NBAS: variants seen among roughly 807,000 people sequenced by gnomAD.
NBAS encodes the protein NAG/BC035112 fusion.
NBAS carries 219 observed loss-of-function variants against 302.5 expected under a neutral mutation model. The ratio of observed to expected loss-of-function variants is 0.72; its 90% CI spans 0.65 to 0.81. NBAS has a LOEUF of 0.81. NBAS is among the 30% of genes least tolerant of loss of function. The probability of loss-of-function intolerance (pLI) is 0.00; values close to 1 mark genes in which losing one functional copy is unlikely to be tolerated. For missense variants in NBAS, 2,932 were observed against 2,841.6 expected, an observed-to-expected ratio of 1.03 and a Z score of -0.72; for synonymous variants, 1,118 against 1,021.6, an observed-to-expected ratio of 1.09 and a Z score of -1.80.
the NBAS span, among the ~76,000 whole-genome samples, chr2:14,931,210 C>T: frequency 2.0e-5 from 3 of 152,196 alleles, no homozygotes; most frequent in African/African-American, 7.2e-5. Context: ...CTGGAAGATG[C>T]CAGCAGGCTG....
chr2:15,466,171 G>C (rs971363515), intron 19 of NBAS, among the ~76,000 whole-genome samples: 1 of 151,844 alleles, frequency 6.6e-6, no homozygotes. Flanking sequence ...ATATTAGCAG[G>C]GTGGGGGAAT....
At chr2:14,841,231 A>G in the NBAS span, among the ~76,000 whole-genome samples, 1 of 151,912 alleles carries the variant, frequency 6.6e-6, no homozygotes, top group Non-Finnish European at 1.5e-5. Flanking sequence ...ATATATTCCC[A>G]GAGAAAATCA....
At chr2:15,243,486 G>A (rs757028258) in intron 44 of NBAS, among the ~76,000 whole-genome samples, 7 of 151,250 alleles carry the variant, frequency 4.6e-5, no homozygotes, top group African/African-American at 7.3e-5. Context: ...ACTATCTACC[G>A]AAAGCCTCTA....
At chr2:15,556,964 C>T (rs1664675032) in intron 2 of NBAS, 145 bp from the exon 3 acceptor site, 1 of 668,150 alleles carries the variant, frequency 1.5e-6, no homozygotes, top group Non-Finnish European at 2.7e-6. Flanking sequence ...AAATGAGAGA[C>T]TAAATATAAC....
the NBAS span, among the ~76,000 whole-genome samples, chr2:14,870,700 A>G: frequency 1.6e-4 from 25 of 152,198 alleles, no homozygotes; most frequent in African/African-American, 5.3e-4. Context: ...CCAGTATGCA[A>G]TAACATAAAA....
At chr2:14,889,141 A>T in the NBAS span, among the ~76,000 whole-genome samples, 1 of 152,190 alleles carries the variant, frequency 6.6e-6, no homozygotes, top group African/African-American at 2.4e-5. Context: ...TCCCTAAGAC[A>T]TTTGTGTGTC....
chr2:15,046,538 A>T, the NBAS span, among the ~76,000 whole-genome samples: 1 of 152,002 alleles, frequency 6.6e-6, no homozygotes, highest in Non-Finnish European at 1.5e-5. Flanking sequence ...AGGACAGAAA[A>T]CTCCCTTTCT....
intron 28 of NBAS, among the ~76,000 whole-genome samples, chr2:15,386,082 G>T (rs1186454871): frequency 6.6e-6 from 1 of 152,186 alleles, no homozygotes; most frequent in African/African-American, 2.4e-5. Flanking sequence ...TGATATGTAA[G>T]TTCCTAACTG....
the NBAS span, among the ~76,000 whole-genome samples, chr2:15,060,299 A>G: frequency 6.6e-6 from 1 of 151,896 alleles, no homozygotes; most frequent in African/African-American, 2.4e-5. Context: ...GCTCCTCCCC[A>G]CCTGCGTCCC....
chr2:14,780,263 T>A, the NBAS span, among the ~76,000 whole-genome samples: 1 of 152,236 alleles, frequency 6.6e-6, no homozygotes, highest in East Asian at 1.9e-4. Context: ...GTGTAACCTA[T>A]GGGCCTGTAC....
At chr2:15,071,555 C>T in the NBAS span, among the ~76,000 whole-genome samples, 1 of 145,278 alleles carries the variant, frequency 6.9e-6, no homozygotes, top group Non-Finnish European at 1.5e-5. Flanking sequence ...ACTCGGGAGG[C>T]GGAGGTTGCA....
the NBAS span, among the ~76,000 whole-genome samples, chr2:15,117,975 G>A: frequency 6.6e-6 from 1 of 152,248 alleles, no homozygotes; most frequent in Non-Finnish European, 1.5e-5. Context: ...GACCTGGGCT[G>A]CAAGGAGGAA....
intron 35 of NBAS, among the ~76,000 whole-genome samples, chr2:15,331,060 T>C (rs1044148003): frequency 1.3e-5 from 2 of 152,202 alleles, no homozygotes; most frequent in Admixed American, 1.3e-4. Flanking sequence ...TGGTATTTTA[T>C]TTTTTACCAA....
chr2:15,406,101 T>A lies in NBAS; in HGVS notation c.2938-3800A>T, dbSNP rs576711425. ...ATAGAAAAACAAATATACAATAACA[T>A]GTAAAAAAAAAAAACAAAACAAAAA... On this transcript the variant is annotated intron_variant, in intron 25 of 51. Transcript: ENST00000281513. Among the ~76,000 whole-genome samples, 13 of 88,042 alleles carry A rather than the reference T, an allele frequency of 1.5e-4. 1 individual carries two copies. The South Asian group carries it at 1.9e-3, about 13-fold the overall frequency. 57.8% of individuals were successfully genotyped at this position (88,042 alleles called of 152,430 possible). A position where few individuals can be genotyped will look rare whatever the true frequency, so the allele number is the denominator to read the frequency against.
chr2:15,462,031 ATTAAG>A (rs1173617296), intron 19 of NBAS, among the ~76,000 whole-genome samples: 1 of 152,216 alleles, frequency 6.6e-6, no homozygotes, highest in African/African-American at 2.4e-5. Flanking sequence ...GGCAGTAAAA[ATTAAG>A]TTAATTGCAG....
At chr2:15,512,895 T>C (rs2148650783) in intron 9 of NBAS, among the ~76,000 whole-genome samples, 1 of 152,266 alleles carries the variant, frequency 6.6e-6, no homozygotes, top group Non-Finnish European at 1.5e-5. Flanking sequence ...TATATACCTT[T>C]TTTCTTTCCC....
At chr2:14,927,925 G>A in the NBAS span, among the ~76,000 whole-genome samples, 6 of 152,288 alleles carry the variant, frequency 3.9e-5, no homozygotes, top group South Asian at 1.2e-3. Flanking sequence ...AGTTGTAAGA[G>A]TTACAGAAGG....
At chr2:15,046,087 C>T in the NBAS span, among the ~76,000 whole-genome samples, 1 of 152,186 alleles carries the variant, frequency 6.6e-6, no homozygotes, top group Non-Finnish European at 1.5e-5. Flanking sequence ...CACTGTCTCT[C>T]CTTAGACTCC....
At chr2:15,206,043 T>C (rs923564230) in intron 48 of NBAS, among the ~76,000 whole-genome samples, 1 of 152,052 alleles carries the variant, frequency 6.6e-6, no homozygotes, top group African/African-American at 2.4e-5. Context: ...TTGGAACAGT[T>C]TGGGTTCAGA....
Sources: allele counts gnomAD v4.1 joint callset (sites outside exome capture counted in the v4.1 genomes callset), GRCh38; gene constraint gnomAD v4.1.1; transcripts MANE v1.5; gene names NCBI Gene and HGNC (gene_info 2026-07-23, HGNC 2026-07-21).